The following RASGEF1A variants were observed in gnomAD, a reference collection of about 807,000 sequenced individuals.
RASGEF1A encodes RasGEF domain family member 1A, also known as ras-GEF domain-containing family member 1A.
In RASGEF1A, 18 loss-of-function variants were observed where a neutral mutation model predicts 56.4. That is an observed-to-expected ratio of 0.32 (90% CI 0.22 to 0.47). The LOEUF (loss-of-function observed/expected upper bound fraction) is 0.47, where lower values mean the gene tolerates loss of function less well. Ranked by LOEUF, RASGEF1A falls within the 20% of genes least tolerant of loss-of-function variation. The pLI is 1.00. For synonymous variants in RASGEF1A, 245 were observed against 242.6 expected (o/e 1.01, Z -0.09); for missense variants, 422 against 627.1 (o/e 0.67, Z 3.49).
Position 43,206,231 on chromosome 10 carries a change from C to CCCCAGGCTATGCAGCATGGCGAATTG in RASGEF1A, c.-6-110_-6-109insCAATTCGCCATGCTGCATAGCCTGGG, listed in dbSNP as rs1839994174. 226 of 941,148 alleles carry CCCCAGGCTATGCAGCATGGCGAATTG rather than the reference C, an allele frequency of 2.4e-4. 1 individual carries two copies. In the South Asian group the frequency reaches 3.5e-3, roughly 15 times the overall value. 58.3% of individuals were successfully genotyped at this position (941,148 alleles called of 1,614,324 possible). ...CATGCATGTGTGCAGGGGTGCGTGGCAGGGGCGCAGCGGCACTGGCAGAGG... is the reference window on the plus strand; with the variant it reads ...CATGCATGTGTGCAGGGGTGCGTGGCCCCAGGCTATGCAGCATGGCGAATTGAGGGGCGCAGCGGCACTGGCAGAGG... On this transcript the variant is annotated intron_variant, in intron 1 of 12. Transcript: ENST00000395810.
chr10:43,234,677 A>G (rs958819600), intron 1 of RASGEF1A, among the ~76,000 whole-genome samples: 1 of 152,208 alleles, frequency 6.6e-6, no homozygotes, highest in Non-Finnish European at 1.5e-5. Context: ...GCCACACCAC[A>G]CAGTCCAAGA....
chr10:43,261,968 T>A (rs967818164), intron 1 of RASGEF1A, among the ~76,000 whole-genome samples: 29 of 152,174 alleles, frequency 1.9e-4, no homozygotes, highest in African/African-American at 6.3e-4. Flanking sequence ...AAGTACCTGG[T>A]GCTGTGGCTG....
At chr10:43,236,333 G>A (rs891212529) in intron 1 of RASGEF1A, among the ~76,000 whole-genome samples, 25 of 152,226 alleles carry the variant, frequency 1.6e-4, no homozygotes, top group South Asian at 2.1e-4. Flanking sequence ...CCTTGTGTGC[G>A]CATGTATACA....
intron 1 of RASGEF1A, among the ~76,000 whole-genome samples, chr10:43,237,522 G>A (rs970590568): frequency 2.2e-5 from 3 of 138,508 alleles, no homozygotes; most frequent in African/African-American, 5.2e-5. Context: ...TCCTGACCCC[G>A]GCTCCTCCTG....
chr10:43,206,887 G>C (rs1396221263), intron 1 of RASGEF1A: 2 of 985,766 alleles, frequency 2.0e-6, no homozygotes, highest in Non-Finnish European at 2.4e-6. Context: ...GTGCCCCTGA[G>C]CTGCAGATGT....
At position 43,201,803 on chromosome 10, in the gene RASGEF1A, C is replaced by T. The variant is rs1458930104; in HGVS notation, c.459+5G>A. 28 of 1,580,936 alleles carry T rather than the reference C, an allele frequency of 1.8e-5. No individual in the cohort carries two copies. Among genetic ancestry groups the T allele is most frequent in the Non-Finnish European group, 2.4e-5 (28 of 1,156,280 alleles). ...GACCCTGGCCAGAGCCCAGGGAGCA[C>T]TCACCTCATCACACTGGGTGACACG... On this transcript the variant is annotated splice_donor_5th_base_variant and intron_variant, in intron 4 of 12. Coordinates refer to ENST00000395810, the MANE Select transcript of RASGEF1A (RefSeq NM_145313.4).
At chr10:43,241,646 GA>G (rs1022622776) in intron 1 of RASGEF1A, among the ~76,000 whole-genome samples, 40 of 150,828 alleles carry the variant, frequency 2.7e-4, no homozygotes, top group African/African-American at 9.8e-4. Context: ...AATAATGAAG[GA>G]ATAAAGGAAC....
chr10:43,266,570 A>G (rs1048464304), intron 1 of RASGEF1A, among the ~76,000 whole-genome samples: 10 of 148,384 alleles, frequency 6.7e-5, no homozygotes, highest in Admixed American at 6.6e-4. Flanking sequence ...CCGGCCCGCC[A>G]GGTGCCCTGA....
Position 43,195,669 on chromosome 10 carries a change from T to G in RASGEF1A, c.*575A>C, listed in dbSNP as rs745718680. On this transcript the variant is annotated 3_prime_UTR_variant, in exon 13 of 13. Coordinates refer to ENST00000395810, the MANE Select transcript of RASGEF1A (RefSeq NM_145313.4). The surrounding 1 kb of genome is among the most constrained non-coding windows in gnomAD (Gnocchi z 4.2). ...AATGTAAACTTTGGACAGCCCGTAC[T>G]CAAAGGCTCACTTCCAGAAGTGTGC... is the stretch of plus-strand genomic sequence containing the variant. 6.6e-6 allele frequency: 1 copy of G among 152,592 alleles called. No homozygotes were observed. Among genetic ancestry groups the G allele is most frequent in the Non-Finnish European group, 1.5e-5 (1 of 68,060 alleles). 9.5% of individuals were successfully genotyped at this position (152,592 alleles called of 1,614,324 possible).
intron 1 of RASGEF1A, among the ~76,000 whole-genome samples, chr10:43,212,898 C>G (rs1029034771): frequency 2.7e-4 from 41 of 152,208 alleles, no homozygotes; most frequent in Non-Finnish European, 4.4e-4. Context: ...CACACATGCA[C>G]ACACAGGTGC....
intron 1 of RASGEF1A, among the ~76,000 whole-genome samples, chr10:43,218,613 G>A (rs541947448): frequency 7.9e-5 from 12 of 152,268 alleles, no homozygotes; most frequent in Non-Finnish European, 1.3e-4. Flanking sequence ...GCATCAGAGG[G>A]CAGGGGCCAC....
chr10:43,259,716 G>A (rs559005353), intron 1 of RASGEF1A, among the ~76,000 whole-genome samples: 1 of 152,204 alleles, frequency 6.6e-6, no homozygotes, highest in Non-Finnish European at 1.5e-5. Flanking sequence ...CAGAAGCCAG[G>A]TGCCACCGCT....
chr10:43,208,089 C>T (rs1351629657), intron 1 of RASGEF1A: 3 of 985,520 alleles, frequency 3.0e-6, no homozygotes, highest in African/African-American at 3.5e-5. Context: ...TTGTTGCCCA[C>T]AGCTGCTCAG....
At chr10:43,237,230 G>A (rs942487125) in intron 1 of RASGEF1A, among the ~76,000 whole-genome samples, 7 of 152,064 alleles carry the variant, frequency 4.6e-5, no homozygotes, top group African/African-American at 1.7e-4. Context: ...GGAAATTGGA[G>A]GCACCAGTCA....
At chr10:43,245,419 C>A (rs61845682) in intron 1 of RASGEF1A, among the ~76,000 whole-genome samples, 1,915 of 152,256 alleles carry the variant, frequency 0.013, 21 homozygotes, top group Non-Finnish European at 0.02. Flanking sequence ...CTAACCAATT[C>A]ATTCCATGAG....
intron 1 of RASGEF1A, among the ~76,000 whole-genome samples, chr10:43,261,561 G>C (rs1836529440): frequency 6.6e-6 from 1 of 152,228 alleles, no homozygotes; most frequent in Non-Finnish European, 1.5e-5. Context: ...TGCCTGCTCT[G>C]AGTAATTAAC....
chr10:43,257,828 C>T (rs1836451604), intron 1 of RASGEF1A, among the ~76,000 whole-genome samples: 1 of 152,212 alleles, frequency 6.6e-6, no homozygotes, highest in South Asian at 2.1e-4. Flanking sequence ...CATGGCTGTC[C>T]CCACTAGCCA....
chr10:43,258,722 T>C (rs946182421), intron 1 of RASGEF1A, among the ~76,000 whole-genome samples: 5 of 152,222 alleles, frequency 3.3e-5, no homozygotes, highest in African/African-American at 1.2e-4. Flanking sequence ...TGTCTCCTCT[T>C]TGTGCCACCC....
chr10:43,247,077 A>G (rs1840574051), intron 1 of RASGEF1A, among the ~76,000 whole-genome samples: 1 of 152,270 alleles, frequency 6.6e-6, no homozygotes, highest in African/African-American at 2.4e-5. Flanking sequence ...TCAATGATAA[A>G]AAGATAGCCC....
Sources: allele counts gnomAD v4.1 joint callset (sites outside exome capture counted in the v4.1 genomes callset), GRCh38; gene constraint gnomAD v4.1.1; non-coding constraint Gnocchi (gnomAD v3.1); transcripts MANE v1.5; gene names NCBI Gene and HGNC (gene_info 2026-07-23, HGNC 2026-07-21).